The following NUGGC variants were observed in gnomAD, a reference collection of about 807,000 sequenced individuals.
NUGGC encodes nuclear GTPase, germinal center associated, also known as nuclear GTPase SLIP-GC.
NUGGC carries 58 observed loss-of-function variants against 92.6 expected under a neutral mutation model. The ratio of observed to expected loss-of-function variants is 0.63; its 90% CI spans 0.51 to 0.78. The LOEUF (loss-of-function observed/expected upper bound fraction) is 0.78, where lower values mean the gene tolerates loss of function less well. Ranked by LOEUF, NUGGC falls within the 30% of genes least tolerant of loss-of-function variation. The pLI is 0.00. For missense variants in NUGGC, 925 were observed against 964.6 expected (o/e 0.96, Z 0.54); for synonymous variants, 376 against 366.4 (o/e 1.03, Z -0.30).
intron 6 of NUGGC, among the ~76,000 whole-genome samples, chr8:28,065,068 C>T (rs1810404580): frequency 6.6e-6 from 1 of 151,544 alleles, no homozygotes; most frequent in African/African-American, 2.4e-5. Context: ...ATTTTCATTA[C>T]CAGAAAGCTA....
At chr8:28,035,989 C>G (rs1809544882) in intron 13 of NUGGC, among the ~76,000 whole-genome samples, 1 of 152,218 alleles carries the variant, frequency 6.6e-6, no homozygotes, top group Non-Finnish European at 1.5e-5. Flanking sequence ...CTCAGGTGAT[C>G]CTCCTGCCTC....
intron 7 of NUGGC, among the ~76,000 whole-genome samples, chr8:28,062,250 G>C (rs1028439720): frequency 6.6e-6 from 1 of 152,138 alleles, no homozygotes. Flanking sequence ...ATAAGTGAAT[G>C]GACTTTGATT....
chr8:28,060,729 G>T, intron 7 of NUGGC, 128 bp from the exon 8 acceptor site: 1 of 716,620 alleles, frequency 1.4e-6, no homozygotes, highest in Non-Finnish European at 2.3e-6. Flanking sequence ...ACCGCACTCT[G>T]TGCACTAGCT....
intron 10 of NUGGC, among the ~76,000 whole-genome samples, chr8:28,050,810 CAA>C (rs11403959): frequency 7.6e-6 from 1 of 131,282 alleles, no homozygotes; most frequent in African/African-American, 2.8e-5. Context: ...GGCTCCGTCT[CAA>C]AAAAAAAAAA....
intron 13 of NUGGC, among the ~76,000 whole-genome samples, chr8:28,040,259 T>C (rs1264471556): frequency 1.3e-5 from 2 of 152,196 alleles, no homozygotes; most frequent in African/African-American, 4.8e-5. Context: ...ATTTTCATCC[T>C]TCAGAAACTC....
At chr8:28,083,494 T>C (rs972974488) in intron 1 of NUGGC, among the ~76,000 whole-genome samples, 10 of 152,194 alleles carry the variant, frequency 6.6e-5, no homozygotes, top group African/African-American at 1.9e-4. Context: ...GCTATCCTGA[T>C]AGGATGCCAC....
At chr8:28,064,989 T>C (rs188810764) in intron 6 of NUGGC, among the ~76,000 whole-genome samples, 80 of 152,278 alleles carry the variant, frequency 5.3e-4, no homozygotes, top group Non-Finnish European at 9.1e-4. Flanking sequence ...GAAGTTATAG[T>C]ATTGCTGAAT....
chr8:28,075,045 T>C (rs1270274652), intron 1 of NUGGC, among the ~76,000 whole-genome samples: 2 of 152,224 alleles, frequency 1.3e-5, no homozygotes, highest in East Asian at 1.9e-4. Context: ...TGAATTTATA[T>C]AGCTTCGCTG....
chr8:28,045,478 T>C lies in NUGGC; in HGVS notation c.1446+49A>G, dbSNP rs149737905. The C allele has an allele frequency of 2.1e-4, 332 of 1,552,158 alleles. 1 individual carries two copies. Among genetic ancestry groups the C allele is most frequent in the Middle Eastern group, 1.4e-3 (6 of 4,234 alleles). ...AATTTTCTAACTTGGTAAAAGGAAA[T>C]GTCCTGCCCAGGAAGGGGGAGAATA... On this transcript the variant is annotated intron_variant, in intron 12 of 18. Transcript: ENST00000413272.
intron 10 of NUGGC, among the ~76,000 whole-genome samples, chr8:28,050,792 C>T (rs1809977058): frequency 6.7e-6 from 1 of 149,024 alleles, no homozygotes; most frequent in African/African-American, 2.5e-5. Flanking sequence ...GCCTGGGCAA[C>T]AGAGCCAGGC....
chr8:28,031,417 G>C, intron 14 of NUGGC, 36 bp from the exon 15 acceptor site: 1 of 1,605,268 alleles, frequency 6.2e-7, no homozygotes, highest in Non-Finnish European at 8.5e-7. Flanking sequence ...TTAAGAGAAT[G>C]GTGGCTGCTG....
intron 10 of NUGGC, among the ~76,000 whole-genome samples, chr8:28,050,511 T>C (rs2130164215): frequency 6.6e-6 from 1 of 152,128 alleles, no homozygotes; most frequent in South Asian, 2.1e-4. Flanking sequence ...CTGAAACCAG[T>C]AATATCAATC....
chr8:28,056,125 C>T (rs1405619626), intron 9 of NUGGC, 71 bp from the exon 10 acceptor site: 1 of 838,366 alleles, frequency 1.2e-6, no homozygotes, highest in Non-Finnish European at 1.9e-6. Flanking sequence ...GCAAGATGCA[C>T]ATTTTTTTGG....
intron 2 of NUGGC, among the ~76,000 whole-genome samples, chr8:28,073,265 G>A (rs1341213909): frequency 6.7e-6 from 1 of 148,150 alleles, no homozygotes; most frequent in African/African-American, 2.5e-5. Context: ...CTCCTGCCTT[G>A]GCCTCCCAAA....
At chr8:28,052,869 C>T (rs1810040686) in intron 10 of NUGGC, among the ~76,000 whole-genome samples, 1 of 152,094 alleles carries the variant, frequency 6.6e-6, no homozygotes, top group African/African-American at 2.4e-5. Context: ...CAGCATTTTC[C>T]AGGCCGTTAC....
intron 6 of NUGGC, among the ~76,000 whole-genome samples, chr8:28,067,207 G>C (rs1250153477): frequency 6.6e-6 from 1 of 152,112 alleles, no homozygotes. Flanking sequence ...ATAAATCCCT[G>C]TTTGTTTAAG....
chr8:28,066,243 T>C (rs1040654148), intron 6 of NUGGC, among the ~76,000 whole-genome samples: 1 of 152,228 alleles, frequency 6.6e-6, no homozygotes, highest in Non-Finnish European at 1.5e-5. Flanking sequence ...ATTAGAAGTG[T>C]AATCATTTTA....
At chr8:28,081,982 G>C (rs1364395492) in intron 1 of NUGGC, among the ~76,000 whole-genome samples, 3 of 152,102 alleles carry the variant, frequency 2.0e-5, no homozygotes, top group Non-Finnish European at 4.4e-5. Flanking sequence ...TGAAATGATA[G>C]AATGTTGATG....
chr8:28,045,639 T>G lies in NUGGC; in HGVS notation c.1334A>C (p.Tyr445Ser). 6.2e-7 allele frequency: 1 copy of G among 1,612,416 alleles called. No individual in the cohort carries two copies. The highest frequency in any genetic ancestry group is 2.2e-5 in the East Asian group (1 of 44,864). Reference protein sequence around the residue: ...EETEIPKLREYIRKSLLDKKK... With the variant: ...EETEIPKLRESIRKSLLDKKK... Reference sequence around the variant, plus strand: ...CTTGTCCAAGAGGCTCTTCCTGATGTATTCTCTTAACTTAGGGATTTCTGG... The same window carrying G: ...CTTGTCCAAGAGGCTCTTCCTGATGGATTCTCTTAACTTAGGGATTTCTGG... The change falls in exon 12 of 19, where the codon TAC (tyrosine) becomes TCC (serine). Residue 445 changes from tyrosine (Y) to serine (S), a missense_variant. Transcript: ENST00000413272.
Sources: gnomAD v4.1 joint callset for allele counts (sites outside exome capture counted in the v4.1 genomes callset) on GRCh38, gnomAD v4.1.1 for gene constraint, MANE v1.5 for transcripts, NCBI Gene and HGNC (gene_info 2026-07-23, HGNC 2026-07-21) for gene names.